The following CCDC33 variants were observed in gnomAD, a reference collection of about 807,000 sequenced individuals.
CCDC33 encodes the protein coiled-coil domain-containing protein 33.
In CCDC33, 94 loss-of-function variants were observed where a neutral mutation model predicts 91.9. The ratio of observed to expected loss-of-function variants is 1.02; its 90% CI spans 0.87 to 1.21. CCDC33 has a LOEUF of 1.21. Among genes scored for constraint, CCDC33 ranks in the 50% most tolerant of loss-of-function variants. The pLI is 0.00. For synonymous variants in CCDC33, 396 were observed against 374.5 expected (o/e 1.06, Z -0.66); for missense variants, 940 against 935.5 (o/e 1.00, Z -0.06).
At position 74,330,872 on chromosome 15, in the gene CCDC33, G is replaced by A. The variant is rs549363788; in HGVS notation, c.1546-109G>A. 6.6e-6 allele frequency: 10 copies of A among 1,514,772 alleles called. No homozygotes were observed. The South Asian group carries it at 1.1e-4, about 17-fold the overall frequency. The allele number at this position is 1,514,772 out of a possible 1,614,324, so 93.8% of individuals were successfully genotyped here. A position where few individuals can be genotyped will look rare whatever the true frequency, so the allele number is the denominator to read the frequency against. The stretch of plus-strand genomic sequence containing the variant: ...AGGGAATGGAAGCACGGAAGAAAGG[G>A]GGACCAGCCTGGTGGAGGATTCAGC... On this transcript the variant is annotated intron_variant, in intron 13 of 18. Coordinates refer to ENST00000398814, the MANE Select transcript of CCDC33 (RefSeq NM_025055.5).
At chr15:74,267,775 G>T (rs1039538520) in intron 4 of CCDC33, among the ~76,000 whole-genome samples, 5 of 150,790 alleles carry the variant, frequency 3.3e-5, no homozygotes, top group South Asian at 2.1e-4. Flanking sequence ...CAGTCGTTTT[G>T]AGGATCTCAA....
chr15:74,306,244 A>T (rs1238430677), intron 11 of CCDC33, among the ~76,000 whole-genome samples: 1 of 152,118 alleles, frequency 6.6e-6, no homozygotes, highest in Non-Finnish European at 1.5e-5. Context: ...CTGGAGGAGG[A>T]TGTGGTCAGG....
chr15:74,251,988 A>G (rs2075724951), intron 2 of CCDC33, among the ~76,000 whole-genome samples: 1 of 152,142 alleles, frequency 6.6e-6, no homozygotes, highest in Non-Finnish European at 1.5e-5. Context: ...TTGAGGTATA[A>G]TATTATCATT....
At chr15:74,249,766 G>A (rs748154728) in intron 2 of CCDC33, among the ~76,000 whole-genome samples, 22 of 152,244 alleles carry the variant, frequency 1.4e-4, no homozygotes, top group East Asian at 3.9e-4. Context: ...TGCAAGACCC[G>A]TGTTAAAAGT....
At chr15:74,223,536 A>G (rs1595886449) in intron 2 of CCDC33, among the ~76,000 whole-genome samples, 1 of 152,016 alleles carries the variant, frequency 6.6e-6, no homozygotes, top group Non-Finnish European at 1.5e-5. Context: ...GAGCGGATTG[A>G]ATATATTAAT....
At chr15:74,221,228 T>TTTG in intron 2 of CCDC33, 1 of 976,624 alleles carries the variant, frequency 1.0e-6, no homozygotes, top group South Asian at 4.9e-5. Flanking sequence ...TTTTTTTTTT[T>TTTG]TTTTTTTTTT....
chr15:74,280,154 G>T, intron 8 of CCDC33, 62 bp downstream of exon 8: 2 of 1,595,120 alleles, frequency 1.3e-6, no homozygotes, highest in South Asian at 1.1e-5. Flanking sequence ...ATTATGAAAG[G>T]GTGTTCAGAC....
At chr15:74,281,684 G>A (rs1596020061) in intron 9 of CCDC33, 94 bp from the exon 10 acceptor site, 1 of 1,173,176 alleles carries the variant, frequency 8.5e-7, no homozygotes, top group Non-Finnish European at 1.3e-6. Context: ...CAGCCCGCAG[G>A]TGACACCTTC....
intron 2 of CCDC33, among the ~76,000 whole-genome samples, chr15:74,258,964 C>T (rs986291156): frequency 6.6e-6 from 1 of 152,198 alleles, no homozygotes; most frequent in Admixed American, 6.5e-5. Flanking sequence ...CAAAGACACA[C>T]ACACCCTTCC....
At chr15:74,272,228 C>T (rs1396946833) in intron 6 of CCDC33, among the ~76,000 whole-genome samples, 1 of 152,128 alleles carries the variant, frequency 6.6e-6, no homozygotes, top group Non-Finnish European at 1.5e-5. Flanking sequence ...CAGGCTCCAG[C>T]CAGTGGTTGG....
chr15:74,335,275 T>C (rs1322839117), intron 18 of CCDC33, 187 bp downstream of exon 18: 3 of 672,464 alleles, frequency 4.5e-6, no homozygotes, highest in Non-Finnish European at 8.1e-6. Context: ...TTCCCCCACC[T>C]GTCTAAGGGG....
intron 2 of CCDC33, among the ~76,000 whole-genome samples, 161 bp from the exon 3 acceptor site, chr15:74,262,279 T>C (rs1265715539): frequency 1.3e-5 from 2 of 152,012 alleles, no homozygotes; most frequent in Non-Finnish European, 2.9e-5. Flanking sequence ...GCAGGAGAGC[T>C]GGGGGAGAGG....
At chr15:74,335,578 G>A (rs191960803) in intron 18 of CCDC33, 3 of 337,064 alleles carry the variant, frequency 8.9e-6, no homozygotes, top group South Asian at 4.8e-5. Context: ...GTTCAACCCC[G>A]GGACCGCCCA....
chr15:74,225,253 G>A (rs1668586718), intron 2 of CCDC33, among the ~76,000 whole-genome samples: 1 of 151,856 alleles, frequency 6.6e-6, no homozygotes, highest in Non-Finnish European at 1.5e-5. Context: ...GCAGCTGATG[G>A]GCTCCAGGGA....
At chr15:74,238,850 G>C (rs1421929157) in intron 1 of CCDC33, among the ~76,000 whole-genome samples, 2 of 152,210 alleles carry the variant, frequency 1.3e-5, no homozygotes, top group African/African-American at 4.8e-5. Flanking sequence ...GACAGCAAGA[G>C]TGTGGGGTCA....
At chr15:74,267,673 G>A (rs796082277) in intron 4 of CCDC33, among the ~76,000 whole-genome samples, 27 of 151,402 alleles carry the variant, frequency 1.8e-4, no homozygotes, top group African/African-American at 6.1e-4. Flanking sequence ...CCAGACTGTC[G>A]GGGGTCCTAG....
rs576823002 is a variant in CCDC33, at chr15:74,256,275, C to T, written c.186-6165C>T. On this transcript the variant is annotated intron_variant, in intron 2 of 18. Coordinates refer to ENST00000398814, the MANE Select transcript of CCDC33 (RefSeq NM_025055.5). The stretch of plus-strand genomic sequence containing the variant: ...CAGGGAGTGGCCCCAGACCTCAAAA[C>T]GTGGACTGAACACCACACGAGTTAA... Among the ~76,000 whole-genome samples, 5 of 152,274 alleles carry T rather than the reference C, an allele frequency of 3.3e-5. No individual in the cohort carries two copies. The South Asian group carries it at 1.0e-3, about 32-fold the overall frequency.
At chr15:74,222,534 C>CT (rs57322793) in intron 2 of CCDC33, among the ~76,000 whole-genome samples, 119 of 144,044 alleles carry the variant, frequency 8.3e-4, no homozygotes, top group African/African-American at 2.1e-3. Context: ...TTTTTCTTTT[C>CT]TTTTTTTTTT....
intron 11 of CCDC33, chr15:74,300,655 C>T (rs2059776716): frequency 6.6e-6 from 1 of 152,276 alleles, no homozygotes; most frequent in African/African-American, 2.4e-5. Flanking sequence ...TGATTCCCTT[C>T]AGATCCGACT....
Sources: gnomAD v4.1 joint callset for allele counts (sites outside exome capture counted in the v4.1 genomes callset) on GRCh38, gnomAD v4.1.1 for gene constraint, MANE v1.5 for transcripts, NCBI Gene and HGNC (gene_info 2026-07-23, HGNC 2026-07-21) for gene names.